Variants in SHANK2 observed in about 807,000 individuals in gnomAD.
SHANK2 encodes the protein SH3 and multiple ankyrin repeat domains 2, also known as SH3 and multiple ankyrin repeat domains protein 2.
Under a neutral mutation model 133.7 loss-of-function variants are expected in SHANK2, and 43 were observed. The observed-to-expected ratio is 0.32, with a 90% CI of 0.25 to 0.41. The LOEUF (loss-of-function observed/expected upper bound fraction) is 0.41, where lower values mean the gene tolerates loss of function less well. Among genes scored for constraint, SHANK2 ranks in the 10% least tolerant of loss-of-function variants. The pLI is 1.00. For synonymous variants in SHANK2, 1,017 were observed against 952.8 expected, an observed-to-expected ratio of 1.07 and a Z score of -1.24; for missense variants, 1,994 against 2,235.8, an observed-to-expected ratio of 0.89 and a Z score of 2.18.
chr11:70,697,914 G>C (rs1555022650), intron 15 of SHANK2, among the ~76,000 whole-genome samples: 1 of 152,124 alleles, frequency 6.6e-6, no homozygotes, highest in Non-Finnish European at 1.5e-5. Flanking sequence ...TCACACACTG[G>C]CCCTTGTTGA....
intron 14 of SHANK2, among the ~76,000 whole-genome samples, chr11:70,752,566 C>T (rs1403050608): frequency 2.6e-5 from 4 of 151,910 alleles, no homozygotes; most frequent in Non-Finnish European, 4.4e-5. Flanking sequence ...GTTAGCCGGG[C>T]GAAGTGGCGG....
At chr11:70,835,279 G>C (rs1216498576) in intron 11 of SHANK2, among the ~76,000 whole-genome samples, 13 of 152,322 alleles carry the variant, frequency 8.5e-5, no homozygotes, top group African/African-American at 3.1e-4. Context: ...CCTTCTGAGA[G>C]CTGAGTGACT....
intron 13 of SHANK2, among the ~76,000 whole-genome samples, chr11:70,799,980 G>T (rs1948006946): frequency 6.6e-6 from 1 of 152,152 alleles, no homozygotes; most frequent in Admixed American, 6.5e-5. Context: ...CTGTCATAAA[G>T]CTTGCAGTGG....
chr11:71,157,106 AAAGTAT>A (rs1261697696), intron 2 of SHANK2, among the ~76,000 whole-genome samples: 11 of 152,194 alleles, frequency 7.2e-5, no homozygotes, highest in African/African-American at 2.4e-4. Context: ...CCTAGAACTT[AAAGTAT>A]AATAAATATA....
At chr11:70,628,433 G>A (rs1031608720) in intron 17 of SHANK2, among the ~76,000 whole-genome samples, 3 of 152,102 alleles carry the variant, frequency 2.0e-5, no homozygotes, top group South Asian at 4.1e-4. Context: ...CCCAGGCCTC[G>A]GTTTCCCTGC....
chr11:71,106,516 A>G (rs1590917694), intron 6 of SHANK2, among the ~76,000 whole-genome samples: 1 of 152,218 alleles, frequency 6.6e-6, no homozygotes, highest in African/African-American at 2.4e-5. Flanking sequence ...ACTCTGTGCT[A>G]CTGTCTCCAT....
chr11:70,866,291 C>T (rs117001681), intron 11 of SHANK2, among the ~76,000 whole-genome samples: 5,885 of 152,096 alleles, frequency 0.039, 169 homozygotes, highest in South Asian at 0.092. Context: ...GCCCATCGCA[C>T]CCCGCGGCAC....
chr11:70,828,221 C>A (rs984575961), intron 11 of SHANK2, among the ~76,000 whole-genome samples: 2 of 152,108 alleles, frequency 1.3e-5, no homozygotes, highest in Admixed American at 1.3e-4. Flanking sequence ...GTTCAATGCT[C>A]CAATGAGCTA....
chr11:71,218,268 T>C lies in SHANK2; in HGVS notation c.-13+6429A>G, dbSNP rs1225794056. 8.2e-5 allele frequency among the ~76,000 whole-genome samples: 12 copies of C among 146,780 alleles called. No homozygotes were observed. The East Asian group carries it at 9.8e-4, about 12-fold the overall frequency. On this transcript the variant is annotated intron_variant, in intron 2 of 25. Transcript: ENST00000601538. Reference sequence around the variant, plus strand: ...TCTTCTAATTTTCTTTTTCTTTTTTTTTTTTTTTTTTTTGAGATGGAGTTT... The same window carrying C: ...TCTTCTAATTTTCTTTTTCTTTTTTCTTTTTTTTTTTTTGAGATGGAGTTT...
rs114770064 is a variant in SHANK2, at chr11:70,734,981, G to T, written c.1778-36218C>A. Among the ~76,000 whole-genome samples, 788 of 152,318 alleles carry T rather than the reference G, an allele frequency of 5.2e-3. 8 individuals are homozygous for T. The highest frequency in any genetic ancestry group is 0.018 in the African/African-American group (760 of 41,568). On this transcript the variant is annotated intron_variant, in intron 14 of 25. Coordinates refer to ENST00000601538, the MANE Select transcript of SHANK2 (RefSeq NM_012309.5). ...ATTCTGGGTTGCCCTGGAGACGAGC[G>T]GGCCCAGGCCTCGGCGGCTGTAGCA...
intron 14 of SHANK2, among the ~76,000 whole-genome samples, chr11:70,728,270 G>C (rs1946214692): frequency 6.6e-6 from 1 of 152,226 alleles, no homozygotes; most frequent in African/African-American, 2.4e-5. Flanking sequence ...GATGCAGATG[G>C]GTCCTTGTGG....
At chr11:70,680,167 C>T (rs1379797045) in intron 15 of SHANK2, among the ~76,000 whole-genome samples, 1 of 152,196 alleles carries the variant, frequency 6.6e-6, no homozygotes, top group Non-Finnish European at 1.5e-5. Flanking sequence ...GGGAGTTACA[C>T]ACTCACAGCT....
At position 70,500,963 on chromosome 11, in the gene SHANK2, T is replaced by C. The variant is rs2059042051; in HGVS notation, c.2288-373A>G. On this transcript the variant is annotated intron_variant, in intron 20 of 25. Transcript: ENST00000601538. This position sits in a 1 kb window ranked among gnomAD's most constrained non-coding sequence, Gnocchi z 4.5. ...CAGCCTTTAGAGTGCACCTGTGGCC[T>C]TTCCTGCCTCATTCTGTTGTTTCTT... Among the ~76,000 whole-genome samples, 1 of 152,226 alleles carries C rather than the reference T, an allele frequency of 6.6e-6. No individual in the cohort carries two copies. Among genetic ancestry groups the C allele is most frequent in the Non-Finnish European group, 1.5e-5 (1 of 68,030 alleles).
Position 70,807,425 on chromosome 11 carries a change from A to G in SHANK2, c.1494-254T>C, listed in dbSNP as rs1555052229. ...CTGCCACTCGGGGAGACGTCTGCAC[A>G]CCTGCGTTCACAGTGGCACCGTTCA... is the stretch of plus-strand genomic sequence containing the variant. On this transcript the variant is annotated intron_variant, in intron 12 of 25. Transcript: ENST00000601538. The surrounding 1 kb of genome is among the most constrained non-coding windows in gnomAD (Gnocchi z 4.8). 6.6e-6 allele frequency among the ~76,000 whole-genome samples: 1 copy of G among 152,196 alleles called. No individual in the cohort carries two copies. Among genetic ancestry groups the G allele is most frequent in the Non-Finnish European group, 1.5e-5 (1 of 68,030 alleles).
At chr11:70,918,722 T>C (rs1316542747) in intron 10 of SHANK2, among the ~76,000 whole-genome samples, 1 of 152,092 alleles carries the variant, frequency 6.6e-6, no homozygotes, top group African/African-American at 2.4e-5. Context: ...GCCAGACTGG[T>C]CTTGAACTCC....
At chr11:70,525,142 G>A (rs2059379898) in intron 17 of SHANK2, among the ~76,000 whole-genome samples, 1 of 152,254 alleles carries the variant, frequency 6.6e-6, no homozygotes, top group African/African-American at 2.4e-5. Context: ...CGCGTGTGGA[G>A]GCTCTGGCCA....
Position 70,500,519 on chromosome 11 carries a change from C to T in SHANK2, c.2308+51G>A. ...GGCATCACAAAGGATGTTTCTGTTC[C>T]ACAGGGGGGTGATGGGCAGGGGGCT... is the stretch of plus-strand genomic sequence containing the variant. On this transcript the variant is annotated intron_variant, in intron 21 of 25. Coordinates refer to ENST00000601538, the MANE Select transcript of SHANK2 (RefSeq NM_012309.5). The surrounding 1 kb of genome is among the most constrained non-coding windows in gnomAD (Gnocchi z 4.5). 1 of 1,584,348 alleles carries T rather than the reference C, an allele frequency of 6.3e-7. No homozygotes were observed. The highest frequency in any genetic ancestry group is 1.7e-4 in the Middle Eastern group (1 of 6,020).
At chr11:71,213,643 C>T (rs1192772714) in intron 2 of SHANK2, among the ~76,000 whole-genome samples, 6 of 152,158 alleles carry the variant, frequency 3.9e-5, no homozygotes, top group Admixed American at 2.0e-4. Context: ...TCCCCACACT[C>T]GGAAACTGAC....
At position 70,804,765 on chromosome 11, in the gene SHANK2, C is replaced by T. The variant is rs1169672843; in HGVS notation, c.1663+2237G>A. Among the ~76,000 whole-genome samples, 1 of 152,188 alleles carries T rather than the reference C, an allele frequency of 6.6e-6. No individual in the cohort carries two copies. The highest frequency in any genetic ancestry group is 1.5e-5 in the Non-Finnish European group (1 of 68,030). On this transcript the variant is annotated intron_variant, in intron 13 of 25. Transcript: ENST00000601538. The surrounding 1 kb of genome is among the most constrained non-coding windows in gnomAD (Gnocchi z 4.1). ...AATTAAGGTGTGAGATGTGGATTCG[C>T]CTGCCATGTCCCAGGACCCCTGCGA...
Sources: gnomAD v4.1 joint callset for allele counts (sites outside exome capture counted in the v4.1 genomes callset) on GRCh38, gnomAD v4.1.1 for gene constraint, Gnocchi (gnomAD v3.1) non-coding constraint, MANE v1.5 for transcripts, NCBI Gene and HGNC (gene_info 2026-07-23, HGNC 2026-07-21) for gene names.